Variants in BMPR1B observed in about 807,000 individuals in gnomAD.
BMPR1B encodes the protein bone morphogenetic protein receptor type 1B, also known as bone morphogenetic protein receptor type-1B.
In BMPR1B, 12 loss-of-function variants were observed where a neutral mutation model predicts 59.1. The ratio of observed to expected loss-of-function variants is 0.20; its 90% CI spans 0.13 to 0.33. The LOEUF (loss-of-function observed/expected upper bound fraction) is 0.33, where lower values mean the gene tolerates loss of function less well. Ranked by LOEUF, BMPR1B falls within the 10% of genes least tolerant of loss-of-function variation. The pLI is 1.00. For missense variants in BMPR1B, 550 were observed against 610.9 expected, an observed-to-expected ratio of 0.90 and a Z score of 1.05; for synonymous variants, 237 against 207.3, an observed-to-expected ratio of 1.14 and a Z score of -1.23.
intron 2 of BMPR1B, among the ~76,000 whole-genome samples, chr4:94,982,034 G>A (rs1365187411): frequency 6.6e-6 from 1 of 152,144 alleles, no homozygotes; most frequent in Non-Finnish European, 1.5e-5. Context: ...TAGATACTGT[G>A]TTACATTTTG....
intron 2 of BMPR1B, among the ~76,000 whole-genome samples, chr4:94,914,772 A>G (rs1030035581): frequency 1.3e-5 from 2 of 152,144 alleles, no homozygotes; most frequent in Admixed American, 6.6e-5. Flanking sequence ...ACCGACATAC[A>G]GGTGGTCACT....
chr4:94,768,063 G>A (rs986463730), intron 1 of BMPR1B, among the ~76,000 whole-genome samples: 1 of 151,780 alleles, frequency 6.6e-6, no homozygotes, highest in Non-Finnish European at 1.5e-5. Flanking sequence ...TTATAAAAAT[G>A]GCAGATAATC....
At chr4:94,823,224 TG>T (rs1724266905) in intron 1 of BMPR1B, among the ~76,000 whole-genome samples, 1 of 152,160 alleles carries the variant, frequency 6.6e-6, no homozygotes, top group Non-Finnish European at 1.5e-5. Flanking sequence ...TGACAGAAGG[TG>T]TAAAAGAGTT....
intron 3 of BMPR1B, among the ~76,000 whole-genome samples, chr4:95,026,350 A>G (rs891728671): frequency 6.6e-6 from 1 of 151,930 alleles, no homozygotes; most frequent in African/African-American, 2.4e-5. Context: ...TTTATAGCAC[A>G]ATTGTAAAGC....
chr4:95,121,431 T>G (rs1211379292), intron 6 of BMPR1B, among the ~76,000 whole-genome samples: 1 of 152,216 alleles, frequency 6.6e-6, no homozygotes, highest in African/African-American at 2.4e-5. Context: ...GAGCACATTA[T>G]TGTTTAGTAA....
intron 1 of BMPR1B, among the ~76,000 whole-genome samples, chr4:94,859,190 C>T (rs948179341): frequency 5.3e-5 from 8 of 152,042 alleles, no homozygotes; most frequent in Non-Finnish European, 7.4e-5. Context: ...AGAGGCCACT[C>T]TTTATGTTAG....
At chr4:94,827,201 A>T (rs1724413229) in intron 1 of BMPR1B, among the ~76,000 whole-genome samples, 1 of 152,070 alleles carries the variant, frequency 6.6e-6, no homozygotes, top group African/African-American at 2.4e-5. Flanking sequence ...TTCCTTTTGC[A>T]AGTTTAGAGT....
chr4:95,113,890 T>C (rs1348191489), intron 4 of BMPR1B, among the ~76,000 whole-genome samples: 2 of 152,176 alleles, frequency 1.3e-5, no homozygotes, highest in African/African-American at 4.8e-5. Context: ...ATAATAATAC[T>C]TTCTTTTTCT....
intron 3 of BMPR1B, among the ~76,000 whole-genome samples, chr4:95,026,098 ATTTCTTTCTTTCTTTCTTTC>A (rs70946580): frequency 1.8e-4 from 18 of 101,622 alleles, no homozygotes; most frequent in African/African-American, 4.4e-4. Flanking sequence ...GCTTTCTTTC[ATTTCTTTCTTTCTTTCTTTC>A]TTTCTTTCTT....
chr4:95,067,375 T>G (rs1441953761), intron 3 of BMPR1B, among the ~76,000 whole-genome samples: 1 of 152,202 alleles, frequency 6.6e-6, no homozygotes, highest in Non-Finnish European at 1.5e-5. Flanking sequence ...CAGTAACACA[T>G]GATGTGTTGG....
chr4:94,758,094 T>A (rs1721595125), intron 1 of BMPR1B, 26 bp downstream of exon 1: 2 of 147,826 alleles, frequency 1.4e-5, no homozygotes, highest in Non-Finnish European at 3.0e-5. Context: ...CGGGGCCCCG[T>A]CCCCTGCGGG....
intron 2 of BMPR1B, among the ~76,000 whole-genome samples, chr4:94,976,257 A>G (rs894296828): frequency 2.0e-5 from 3 of 152,322 alleles, no homozygotes; most frequent in African/African-American, 7.2e-5. Context: ...AGAATACTGT[A>G]TTACAGTGAG....
chr4:94,796,157 G>A (rs922065510), intron 1 of BMPR1B, among the ~76,000 whole-genome samples: 1 of 151,946 alleles, frequency 6.6e-6, no homozygotes, highest in Non-Finnish European at 1.5e-5. Context: ...TAGAGATGGG[G>A]TTTCACCATG....
At chr4:94,836,710 C>T (rs1302920116) in intron 1 of BMPR1B, among the ~76,000 whole-genome samples, 1 of 146,812 alleles carries the variant, frequency 6.8e-6, no homozygotes, top group East Asian at 1.9e-4. Flanking sequence ...TTGTAGGTTG[C>T]CTGTTCACTC....
chr4:95,138,780 A>T (rs907973337), intron 10 of BMPR1B, among the ~76,000 whole-genome samples: 1 of 152,088 alleles, frequency 6.6e-6, no homozygotes. Flanking sequence ...GATCTTCTCC[A>T]TGCTGTTTAT....
At chr4:94,905,895 A>G (rs551558606) in intron 2 of BMPR1B, among the ~76,000 whole-genome samples, 5 of 149,934 alleles carry the variant, frequency 3.3e-5, no homozygotes, top group Non-Finnish European at 5.9e-5. Flanking sequence ...TAAATAGTGG[A>G]ATTCTTCTTT....
At chr4:95,127,199 T>TA (rs942137674) in intron 8 of BMPR1B, among the ~76,000 whole-genome samples, 9 of 152,272 alleles carry the variant, frequency 5.9e-5, no homozygotes, top group African/African-American at 2.2e-4. Flanking sequence ...CATTGTATCT[T>TA]ACAGGCATTT....
chr4:95,026,701 C>T (rs1445539050), intron 3 of BMPR1B, among the ~76,000 whole-genome samples: 1 of 140,182 alleles, frequency 7.1e-6, no homozygotes, highest in Non-Finnish European at 1.5e-5. Context: ...CCTCCCCTCC[C>T]CTCCCCTGTC....
chr4:94,846,870 T>A (rs1156308047), intron 1 of BMPR1B, among the ~76,000 whole-genome samples: 1 of 150,780 alleles, frequency 6.6e-6, no homozygotes, highest in African/African-American at 2.4e-5. Flanking sequence ...TTGGGGAAAC[T>A]CTCTAGGACA....
Sources: gnomAD v4.1 joint callset for allele counts (sites outside exome capture counted in the v4.1 genomes callset) on GRCh38, gnomAD v4.1.1 for gene constraint, MANE v1.5 for transcripts, NCBI Gene and HGNC (gene_info 2026-07-23, HGNC 2026-07-21) for gene names.